CSMD2: variants seen among roughly 807,000 people sequenced by gnomAD.
CSMD2 encodes the protein CUB and sushi domain-containing protein 2.
Under a neutral mutation model 398.5 loss-of-function variants are expected in CSMD2, and 130 were observed. That is an observed-to-expected ratio of 0.33 (90% CI 0.28 to 0.38). The LOEUF (loss-of-function observed/expected upper bound fraction) is 0.38, where lower values mean the gene tolerates loss of function less well. Ranked by LOEUF, CSMD2 falls within the 10% of genes least tolerant of loss-of-function variation. The pLI, the probability that CSMD2 is intolerant of heterozygous loss-of-function variation, is 1.00. For missense variants in CSMD2, 3,829 were observed against 4,764.9 expected (o/e 0.80, Z 5.78); for synonymous variants, 1,828 against 1,908.5 (o/e 0.96, Z 1.10).
At chr1:34,087,033 G>T (rs1315381269) in intron 2 of CSMD2, among the ~76,000 whole-genome samples, 1 of 152,026 alleles carries the variant, frequency 6.6e-6, no homozygotes, top group African/African-American at 2.4e-5. Flanking sequence ...CTAGAATGAG[G>T]ATTCCAAAAC....
chr1:33,578,840 A>G (rs965976639), intron 48 of CSMD2, among the ~76,000 whole-genome samples: 4 of 152,132 alleles, frequency 2.6e-5, no homozygotes, highest in Non-Finnish European at 5.9e-5. Context: ...TGGTGATCAT[A>G]TCCGTCTGCC....
intron 55 of CSMD2, 42 bp downstream of exon 55, chr1:33,557,692 G>A (rs1264329529): frequency 6.6e-7 from 1 of 1,510,726 alleles, no homozygotes; most frequent in East Asian, 2.5e-5. Flanking sequence ...CTTTGACACG[G>A]GCCACCCCAT....
At position 33,900,780 on chromosome 1, in the gene CSMD2, C is replaced by CA. The variant is rs397861504; in HGVS notation, c.920+17313dup. ...GGGCAACAAGGGCAAAACTCCATCT[C>CA]AAAAAAAAAAAAAAGAGTTTTGTAA... On this transcript the variant is annotated intron_variant, in intron 5 of 70. Coordinates refer to ENST00000373381, the MANE Select transcript of CSMD2 (RefSeq NM_001281956.2). Among the ~76,000 whole-genome samples the CA allele has an allele frequency of 4.8e-3, 568 of 118,916 alleles. 2 individuals are homozygous for CA. The highest frequency in any genetic ancestry group is 7.5e-3 in the East Asian group (33 of 4,414). The allele number at this position is 118,916 out of a possible 152,430, so 78.0% of individuals were successfully genotyped here.
intron 44 of CSMD2, among the ~76,000 whole-genome samples, chr1:33,589,317 T>C (rs1047402271): frequency 6.6e-6 from 1 of 152,188 alleles, no homozygotes; most frequent in Non-Finnish European, 1.5e-5. Flanking sequence ...GTTCATGTAA[T>C]GATTGTCTAT....
Position 33,569,497 on chromosome 1 carries a change from T to A in CSMD2, c.8008A>T (p.Thr2670Ser). 6.2e-7 allele frequency: 1 copy of A among 1,614,192 alleles called. No individual in the cohort carries two copies. Among genetic ancestry groups the A allele is most frequent in the South Asian group, 1.1e-5 (1 of 91,086 alleles). ...PIPPNGHRIG[T>S]LSVYGATAIF... Reference sequence around the variant, plus strand: ...GCTGTTGCCCCGTAGACAGACAGTGTTCCGATGCGGTGGCCATTGGGGGGA... The same window carrying A: ...GCTGTTGCCCCGTAGACAGACAGTGATCCGATGCGGTGGCCATTGGGGGGA... The change falls in exon 52 of 71, where the codon ACA becomes TCA. Residue 2670 changes from threonine (T) to serine (S), a missense_variant. By Grantham distance (58) the Thr-to-Ser change is moderately conservative. Around this residue, in one of 5 missense-constraint regions of CSMD2, gnomAD observed 723 missense variants for 758.6 expected, o/e 0.95. Coordinates refer to ENST00000373381, the MANE Select transcript of CSMD2 (RefSeq NM_001281956.2).
chr1:33,892,504 A>G (rs907190584), intron 5 of CSMD2, among the ~76,000 whole-genome samples: 4 of 152,058 alleles, frequency 2.6e-5, no homozygotes, highest in Admixed American at 6.6e-5. Context: ...CCCAAAGTCC[A>G]TTATATCACT....
At chr1:33,975,188 G>A (rs1645914140) in intron 3 of CSMD2, among the ~76,000 whole-genome samples, 1 of 152,164 alleles carries the variant, frequency 6.6e-6, no homozygotes, top group African/African-American at 2.4e-5. Flanking sequence ...AGAGGGCCTG[G>A]CTTCTGAGGG....
chr1:33,646,807 G>C lies in CSMD2; in HGVS notation c.4615C>G (p.Leu1539Val). Residue 1539 changes from leucine (L) to valine (V), a missense_variant, in exon 29 of 71, where the codon CTC becomes GTC. Around this residue, in one of 5 missense-constraint regions of CSMD2, gnomAD observed 2,001 missense variants for 2,567.1 expected, o/e 0.78. Coordinates refer to ENST00000373381, the MANE Select transcript of CSMD2 (RefSeq NM_001281956.2). ...GAGTCCCGTCCGTCGTAGATATGGA[G>C]GAAGTCATAGCCAGGCTCCAGGTTA... ...IFNLEPGYDF[L>V]HIYDGRDSLS... The C allele has an allele frequency of 6.2e-7, 1 of 1,613,204 alleles. No homozygotes were observed. Among genetic ancestry groups the C allele is most frequent in the Non-Finnish European group, 8.5e-7 (1 of 1,179,542 alleles).
chr1:34,082,011 C>T (rs1469786296), intron 2 of CSMD2, among the ~76,000 whole-genome samples: 23 of 149,906 alleles, frequency 1.5e-4, no homozygotes, highest in East Asian at 8.0e-4. Context: ...TCTGCCCAGC[C>T]GCCCAGTCTG....
intron 22 of CSMD2, among the ~76,000 whole-genome samples, chr1:33,706,638 G>A (rs1269867269): frequency 6.6e-6 from 1 of 152,028 alleles, no homozygotes; most frequent in African/African-American, 2.4e-5. Flanking sequence ...TAATTTTCTT[G>A]TTGGCACACC....
At chr1:33,858,559 CA>C (rs915466075) in intron 5 of CSMD2, among the ~76,000 whole-genome samples, 1 of 152,180 alleles carries the variant, frequency 6.6e-6, no homozygotes, top group African/African-American at 2.4e-5. Flanking sequence ...ATGATGTACC[CA>C]AAGTATGATC....
chr1:33,805,507 T>C (rs1396399756), intron 10 of CSMD2, among the ~76,000 whole-genome samples: 1 of 152,022 alleles, frequency 6.6e-6, no homozygotes, highest in East Asian at 1.9e-4. Flanking sequence ...AAAATAAAAA[T>C]AAAAATAAAA....
At chr1:34,099,758 T>C (rs12048816) in intron 1 of CSMD2, among the ~76,000 whole-genome samples, 20,833 of 152,254 alleles carry the variant, frequency 0.14, 1,592 homozygotes, top group East Asian at 0.36. Flanking sequence ...GAGGTCACTC[T>C]GTCTGGTGTC....
At chr1:33,595,195 G>A (rs190521919) in intron 44 of CSMD2, among the ~76,000 whole-genome samples, 119 of 152,268 alleles carry the variant, frequency 7.8e-4, no homozygotes, top group African/African-American at 2.7e-3. Flanking sequence ...CCTTTAGTCT[G>A]GAATGGTTCC....
chr1:33,979,809 G>A (rs1646100431), intron 3 of CSMD2, among the ~76,000 whole-genome samples: 1 of 152,146 alleles, frequency 6.6e-6, no homozygotes, highest in South Asian at 2.1e-4. Context: ...ATCTGCCTGG[G>A]TCCAAAGCCC....
chr1:33,720,719 TGAA>T (rs1453597954), intron 19 of CSMD2, among the ~76,000 whole-genome samples: 2 of 152,178 alleles, frequency 1.3e-5, no homozygotes, highest in African/African-American at 2.4e-5. Context: ...TTTTTTGAGA[TGAA>T]GTTTTGCTCT....
intron 25 of CSMD2, among the ~76,000 whole-genome samples, chr1:33,677,599 CA>C (rs1644760770): frequency 6.6e-6 from 1 of 152,126 alleles, no homozygotes; most frequent in African/African-American, 2.4e-5. Context: ...TCAGCCATTC[CA>C]TTACTGGGTA....
chr1:33,948,914 C>A (rs1351491133), intron 3 of CSMD2, among the ~76,000 whole-genome samples: 2 of 152,122 alleles, frequency 1.3e-5, no homozygotes, highest in African/African-American at 4.8e-5. Flanking sequence ...AGACACAGGG[C>A]ATCATGGTCC....
chr1:33,752,455 C>A (rs1648385875), intron 13 of CSMD2, among the ~76,000 whole-genome samples: 1 of 152,234 alleles, frequency 6.6e-6, no homozygotes, highest in South Asian at 2.1e-4. Flanking sequence ...CCTCCTGAGA[C>A]CCTCACCAGG....
Sources: allele counts gnomAD v4.1 joint callset (sites outside exome capture counted in the v4.1 genomes callset), GRCh38; gene constraint gnomAD v4.1.1; regional missense constraint gnomAD v4.1.1; transcripts MANE v1.5; gene names NCBI Gene and HGNC (gene_info 2026-07-23, HGNC 2026-07-21).